Variants in SH3RF2 observed in about 807,000 individuals in gnomAD.
SH3RF2 encodes the protein E3 ubiquitin-protein ligase SH3RF2.
In SH3RF2, 43 loss-of-function variants were observed where a neutral mutation model predicts 59.0. That is an observed-to-expected ratio of 0.73 (90% CI 0.57 to 0.94). The LOEUF is 0.94. SH3RF2 is among the 40% of genes least tolerant of loss of function. The pLI, the probability that SH3RF2 is intolerant of heterozygous loss-of-function variation, is 0.00. For missense variants in SH3RF2, 930 were observed against 940.1 expected, an observed-to-expected ratio of 0.99 and a Z score of 0.14; for synonymous variants, 391 against 391.5, an observed-to-expected ratio of 1.00 and a Z score of 0.01.
At chr5:145,985,420 A>G (rs1759662227) in intron 2 of SH3RF2, among the ~76,000 whole-genome samples, 1 of 152,220 alleles carries the variant, frequency 6.6e-6, no homozygotes, top group African/African-American at 2.4e-5. Flanking sequence ...CTTCTCTTCA[A>G]GGTCATTCTC....
intron 2 of SH3RF2, among the ~76,000 whole-genome samples, chr5:145,946,128 C>T (rs574650076): frequency 6.6e-6 from 1 of 152,340 alleles, no homozygotes; most frequent in East Asian, 1.9e-4. Flanking sequence ...TCACACTGCC[C>T]CAGATCCCCA....
chr5:146,076,015 C>A lies in SH3RF2; in HGVS notation c.*34-2445C>A, dbSNP rs187364646. ...TGCCTAGGAAAAGTCACACCTCCTA[C>A]CATTGATGGGATTTTTTGGGTGCCT... On this transcript the variant is annotated intron_variant, in intron 9 of 9. Coordinates refer to the SH3RF2 transcript ENST00000511217. Among the ~76,000 whole-genome samples the A allele has an allele frequency of 1.2e-3, 175 of 152,162 alleles. 1 individual carries two copies. The highest frequency in any genetic ancestry group is 4.0e-3 in the African/African-American group (164 of 41,514).
chr5:145,989,844 C>T (rs1417737360), intron 2 of SH3RF2, among the ~76,000 whole-genome samples: 1 of 152,222 alleles, frequency 6.6e-6, no homozygotes, highest in African/African-American at 2.4e-5. Context: ...TTCTACTCCA[C>T]TTACATTCCT....
At chr5:146,011,219 G>A (rs113725979) in intron 4 of SH3RF2, among the ~76,000 whole-genome samples, 87,218 of 151,928 alleles carry the variant, frequency 0.57, 25,696 homozygotes, top group Middle Eastern at 0.79. Context: ...TGAGGCCTCT[G>A]TTCTGTTCCA....
chr5:145,977,648 G>T (rs1235149128), intron 2 of SH3RF2, among the ~76,000 whole-genome samples: 1 of 152,178 alleles, frequency 6.6e-6, no homozygotes, highest in Non-Finnish European at 1.5e-5. Context: ...CCATATGGCT[G>T]GTCCTATTAC....
rs145959335 is a variant in SH3RF2 at position 145,989,417 on chromosome 5, G to C, written c.379-10641G>C. 5.9e-5 allele frequency among the ~76,000 whole-genome samples: 9 copies of C among 152,292 alleles called. No homozygotes were observed. In the East Asian group the frequency reaches 1.5e-3, roughly 26 times the overall value. On this transcript the variant is annotated intron_variant, in intron 2 of 9. Coordinates refer to ENST00000359120, the MANE Select transcript of SH3RF2 (RefSeq NM_152550.4). ...GAACAGTAATTCCTGAATGTTTTCAGAGCAATTCACTCATTCATTCATCAA... is the reference window on the plus strand; with the variant it reads ...GAACAGTAATTCCTGAATGTTTTCACAGCAATTCACTCATTCATTCATCAA...
At chr5:146,046,987 G>A (rs973369006) in intron 5 of SH3RF2, among the ~76,000 whole-genome samples, 14 of 152,056 alleles carry the variant, frequency 9.2e-5, no homozygotes, top group South Asian at 4.1e-4. Flanking sequence ...AGAATTCCTG[G>A]TTCAAGCGAT....
chr5:145,974,048 G>C (rs1039355512), intron 2 of SH3RF2, among the ~76,000 whole-genome samples: 1 of 152,164 alleles, frequency 6.6e-6, no homozygotes. Context: ...TTCTTATCAG[G>C]AGGCTCGACT....
chr5:146,020,240 T>C (rs1233392254), intron 5 of SH3RF2, among the ~76,000 whole-genome samples: 1 of 152,116 alleles, frequency 6.6e-6, no homozygotes, highest in Admixed American at 6.5e-5. Flanking sequence ...TATTCTAGAC[T>C]CTCCATGATC....
At chr5:145,948,585 G>A (rs1277583163) in intron 2 of SH3RF2, among the ~76,000 whole-genome samples, 1 of 152,226 alleles carries the variant, frequency 6.6e-6, no homozygotes, top group Non-Finnish European at 1.5e-5. Flanking sequence ...AATAATCCCA[G>A]GGTGTCTGAA....
At chr5:146,005,867 A>AAG (rs1760624170) in intron 4 of SH3RF2, among the ~76,000 whole-genome samples, 1 of 151,658 alleles carries the variant, frequency 6.6e-6, no homozygotes, top group East Asian at 1.9e-4. Flanking sequence ...AAAAAAAAAA[A>AAG]AAAAGCTTAG....
At chr5:145,947,132 A>C (rs2149943016) in intron 2 of SH3RF2, among the ~76,000 whole-genome samples, 1 of 150,178 alleles carries the variant, frequency 6.7e-6, no homozygotes, top group Admixed American at 6.6e-5. Context: ...TTGAACAATA[A>C]CTTTCCATTC....
intron 2 of SH3RF2, among the ~76,000 whole-genome samples, chr5:145,988,862 A>G (rs974395502): frequency 2.0e-5 from 3 of 152,136 alleles, no homozygotes; most frequent in Non-Finnish European, 4.4e-5. Flanking sequence ...CTTATCAGAG[A>G]AGAGAAAACA....
At chr5:145,956,933 C>G (rs1758437416) in intron 2 of SH3RF2, among the ~76,000 whole-genome samples, 1 of 152,164 alleles carries the variant, frequency 6.6e-6, no homozygotes, top group Non-Finnish European at 1.5e-5. Flanking sequence ...GAAGGTTGTG[C>G]TAGAATTGGT....
At chr5:146,040,478 G>A (rs1762088609) in intron 5 of SH3RF2, among the ~76,000 whole-genome samples, 1 of 152,128 alleles carries the variant, frequency 6.6e-6, no homozygotes, top group African/African-American at 2.4e-5. Context: ...AGACCCCACT[G>A]AAGTTGAGGG....
At chr5:146,074,161 T>C (rs1465993920) in intron 9 of SH3RF2, among the ~76,000 whole-genome samples, 2 of 150,140 alleles carry the variant, frequency 1.3e-5, no homozygotes, top group African/African-American at 4.9e-5. Flanking sequence ...TGCCTCAGCC[T>C]CCCGAGTAGC....
In SH3RF2 at chr5:145,937,837, G is replaced by A. The variant is rs1380879283; in HGVS notation, c.-92G>A. 7.5e-6 allele frequency: 11 copies of A among 1,474,614 alleles called. No homozygotes were observed. In the African/African-American group the frequency reaches 9.9e-5, roughly 13 times the overall value. The allele number at this position is 1,474,614 out of a possible 1,614,324, so 91.3% of individuals were successfully genotyped here. A position where few individuals can be genotyped will look rare whatever the true frequency, so the allele number is the denominator to read the frequency against. On this transcript the variant is annotated 5_prime_UTR_variant, in exon 2 of 10. Coordinates refer to ENST00000359120, the MANE Select transcript of SH3RF2 (RefSeq NM_152550.4). ...CCTTCAAGCAGGCAAAAATTCTGAC[G>A]TTCTCAAGAGACCAGCTCTGCCCCC...
At chr5:146,064,788 G>GAAGGAAGGAAGGAAAGGAAGGAAGGA (rs1561773719), downstream of SH3RF2, among the ~76,000 whole-genome samples, 25 of 18,566 alleles carry the variant, frequency 1.3e-3, 2 homozygotes, top group Non-Finnish European at 2.3e-3. Flanking sequence ...AGGAAGGAAG[G>GAAGGAAGGAAGGAAAGGAAGGAAGGA]AAGGAAGGAA....
chr5:146,014,936 AG>A (rs1343048699), intron 5 of SH3RF2, among the ~76,000 whole-genome samples: 1 of 152,148 alleles, frequency 6.6e-6, no homozygotes, highest in South Asian at 2.1e-4. Context: ...GAAGGAGTGG[AG>A]GTATGAGGCA....
Sources: allele counts gnomAD v4.1 joint callset (sites outside exome capture counted in the v4.1 genomes callset), GRCh38; gene constraint gnomAD v4.1.1; transcripts MANE v1.5; gene names NCBI Gene and HGNC (gene_info 2026-07-23, HGNC 2026-07-21).